Variants in RORA observed in about 807,000 individuals in gnomAD.
RORA encodes the protein nuclear receptor ROR-alpha.
Under a neutral mutation model 69.5 loss-of-function variants are expected in RORA, and 7 were observed. That is an observed-to-expected ratio of 0.10 (90% CI 0.06 to 0.19). The LOEUF (loss-of-function observed/expected upper bound fraction) is 0.19. Ranked by LOEUF, RORA falls within the 10% of genes least tolerant of loss-of-function variation. RORA has a pLI of 1.00. For missense variants in RORA, 457 were observed against 663.0 expected (o/e 0.69, Z 3.41); for synonymous variants, 261 against 240.8 (o/e 1.08, Z -0.78).
chr15:60,823,070 C>CCCTCCCTT (rs2072913321), intron 1 of RORA, among the ~76,000 whole-genome samples: 3 of 135,676 alleles, frequency 2.2e-5, no homozygotes, highest in Non-Finnish European at 4.7e-5. Context: ...TCCCCTCCCT[C>CCCTCCCTT]CCTTCCTTCC....
chr15:61,179,517 T>C (rs1289760512), intron 1 of RORA, among the ~76,000 whole-genome samples: 1 of 152,236 alleles, frequency 6.6e-6, no homozygotes, highest in Non-Finnish European at 1.5e-5. Context: ...TATTTTAAAT[T>C]ATTTTCTCTA....
intron 9 of RORA, among the ~76,000 whole-genome samples, 157 bp downstream of exon 9, chr15:60,500,802 G>C (rs762129682): frequency 2.0e-5 from 3 of 152,168 alleles, no homozygotes; most frequent in South Asian, 2.1e-4. Flanking sequence ...GGAAAAGAGA[G>C]GGTGTTATTT....
At chr15:60,752,965 C>T (rs1267232276) in intron 1 of RORA, among the ~76,000 whole-genome samples, 1 of 152,158 alleles carries the variant, frequency 6.6e-6, no homozygotes, top group Non-Finnish European at 1.5e-5. Flanking sequence ...TGCTTTTTGG[C>T]CCCTTTTCAA....
intron 1 of RORA, among the ~76,000 whole-genome samples, chr15:60,748,766 T>C (rs551998802): frequency 2.6e-5 from 4 of 152,284 alleles, no homozygotes; most frequent in East Asian, 3.9e-4. Context: ...AAGCATGGCA[T>C]TGATAACGGG....
At chr15:60,708,332 G>A (rs1391475626) in intron 1 of RORA, among the ~76,000 whole-genome samples, 1 of 150,934 alleles carries the variant, frequency 6.6e-6, no homozygotes, top group Non-Finnish European at 1.5e-5. Context: ...TGAGACAGGA[G>A]AATCGCTTGA....
intron 2 of RORA, among the ~76,000 whole-genome samples, chr15:60,619,742 C>T (rs956732697): frequency 1.3e-5 from 2 of 152,246 alleles, no homozygotes; most frequent in African/African-American, 2.4e-5. Flanking sequence ...TCCATCTTGA[C>T]CACTTCACTG....
chr15:60,870,529 G>C (rs1429414461), intron 1 of RORA, among the ~76,000 whole-genome samples: 3 of 152,188 alleles, frequency 2.0e-5, no homozygotes, highest in African/African-American at 7.2e-5. Context: ...AGAGCAGAGG[G>C]GCGTCTTTAG....
At chr15:60,667,647 TCTCA>T (rs1197441243) in intron 2 of RORA, among the ~76,000 whole-genome samples, 1 of 152,136 alleles carries the variant, frequency 6.6e-6, no homozygotes, top group African/African-American at 2.4e-5. Context: ...TGAGACAGGG[TCTCA>T]CTCTGTCACC....
rs1489104288 is a variant in RORA at position 60,492,508 on chromosome 15, T to C, written c.*4947A>G. 6.6e-6 allele frequency: 1 copy of C among 152,176 alleles called. No individual in the cohort carries two copies. Among genetic ancestry groups the C allele is most frequent in the Non-Finnish European group, 1.5e-5 (1 of 68,018 alleles). The allele number at this position is 152,176 out of a possible 1,614,324, so 9.4% of individuals were successfully genotyped here. A position where few individuals can be genotyped will look rare whatever the true frequency, so the allele number is the denominator to read the frequency against. On this transcript the variant is annotated 3_prime_UTR_variant, in exon 11 of 11. Coordinates refer to ENST00000335670, the MANE Select transcript of RORA (RefSeq NM_134261.3). ...TGAAAACAATAGTTAATTGCTGGTA[T>C]TTTAAAAACATATTTCATCTTTTAC...
chr15:61,120,684 G>C (rs1287630730), intron 1 of RORA, among the ~76,000 whole-genome samples: 2 of 129,950 alleles, frequency 1.5e-5, no homozygotes, highest in African/African-American at 6.0e-5. Context: ...CTGAGTGATA[G>C]AGCAAGACTC....
chr15:60,762,769 T>C (rs1055318406), intron 1 of RORA, among the ~76,000 whole-genome samples: 2 of 152,206 alleles, frequency 1.3e-5, no homozygotes, highest in Non-Finnish European at 2.9e-5. Context: ...GGGGGACTAT[T>C]GGTATTTCGT....
intron 1 of RORA, among the ~76,000 whole-genome samples, chr15:60,915,321 T>G (rs1311742404): frequency 6.6e-6 from 1 of 152,252 alleles, no homozygotes; most frequent in East Asian, 1.9e-4. Context: ...TCCTGGCCAC[T>G]GCCTCCACAG....
intron 1 of RORA, among the ~76,000 whole-genome samples, chr15:61,119,256 T>C (rs1287128861): frequency 6.6e-6 from 1 of 151,960 alleles, no homozygotes; most frequent in Non-Finnish European, 1.5e-5. Flanking sequence ...TGGAGTACAG[T>C]GGTGCAATCT....
chr15:60,755,890 G>T (rs2071795469), intron 1 of RORA, among the ~76,000 whole-genome samples: 1 of 152,112 alleles, frequency 6.6e-6, no homozygotes, highest in South Asian at 2.1e-4. Flanking sequence ...TCTGACTTCG[G>T]CTTAACCTGC....
chr15:60,815,570 G>C (rs1190980807), intron 1 of RORA, among the ~76,000 whole-genome samples: 1 of 152,060 alleles, frequency 6.6e-6, no homozygotes, highest in Non-Finnish European at 1.5e-5. Context: ...GATAGGCACA[G>C]AGAAAAGATA....
chr15:60,697,531 A>G (rs2070922520), intron 1 of RORA, among the ~76,000 whole-genome samples: 1 of 151,816 alleles, frequency 6.6e-6, no homozygotes. Flanking sequence ...TAACCTGCAG[A>G]GTCATCTACA....
At chr15:60,886,761 C>T (rs2073754810) in intron 1 of RORA, among the ~76,000 whole-genome samples, 1 of 152,194 alleles carries the variant, frequency 6.6e-6, no homozygotes. Context: ...GGACTGTGTC[C>T]TCATCCAGGT....
chr15:60,614,510 A>G (rs1378281246), intron 2 of RORA, among the ~76,000 whole-genome samples: 5 of 152,220 alleles, frequency 3.3e-5, no homozygotes, highest in African/African-American at 9.6e-5. Flanking sequence ...AGAGGCATTC[A>G]TAGGGCGCAT....
chr15:61,146,459 TAC>T (rs5813074), intron 1 of RORA, among the ~76,000 whole-genome samples: 70,908 of 149,468 alleles, frequency 0.47, 18,375 homozygotes, highest in Non-Finnish European at 0.6. Flanking sequence ...CACATACACA[TAC>T]ACACACACAC....
Sources: gnomAD v4.1 joint callset for allele counts (sites outside exome capture counted in the v4.1 genomes callset) on GRCh38, gnomAD v4.1.1 for gene constraint, MANE v1.5 for transcripts, NCBI Gene and HGNC (gene_info 2026-07-23, HGNC 2026-07-21) for gene names.